Variants in ARMC9 observed in about 807,000 individuals in gnomAD.
The protein encoded by ARMC9 is lisH domain-containing protein ARMC9.
In ARMC9, 94 loss-of-function variants were observed where a neutral mutation model predicts 107.0. That is an observed-to-expected ratio of 0.88 (90% CI 0.74 to 1.04). The LOEUF is 1.04. Ranked by LOEUF, ARMC9 falls within the 50% of genes least tolerant of loss-of-function variation. ARMC9 has a pLI of 0.00. For synonymous variants in ARMC9, 380 were observed against 396.9 expected (o/e 0.96, Z 0.51); for missense variants, 942 against 1,030.1 (o/e 0.91, Z 1.17).
At chr2:231,248,636 G>A (rs1345477671) in intron 9 of ARMC9, among the ~76,000 whole-genome samples, 2 of 151,620 alleles carry the variant, frequency 1.3e-5, no homozygotes, top group Non-Finnish European at 2.9e-5. Context: ...GTGAAACCCC[G>A]TCTCTACTAA....
chr2:231,354,736 A>G (rs935078273), intron 21 of ARMC9, among the ~76,000 whole-genome samples: 1 of 152,204 alleles, frequency 6.6e-6, no homozygotes, highest in Admixed American at 6.5e-5. Context: ...AGCCCTAGGC[A>G]GGCATGAGCT....
intron 19 of ARMC9, among the ~76,000 whole-genome samples, chr2:231,330,663 G>A (rs756921739): frequency 1.3e-5 from 2 of 152,210 alleles, no homozygotes; most frequent in African/African-American, 2.4e-5. Flanking sequence ...GGCCCAGCCT[G>A]GTGAGGGTAC....
chr2:231,275,813 T>C (rs1394701000), intron 14 of ARMC9, among the ~76,000 whole-genome samples: 1 of 152,034 alleles, frequency 6.6e-6, no homozygotes, highest in African/African-American at 2.4e-5. Flanking sequence ...ATTAGCTGGG[T>C]GTGGTGGCGC....
At position 231,370,890 on chromosome 2, in the gene ARMC9, G is replaced by A. The variant is rs74746991; in HGVS notation, c.2435-623G>A. 2,080 of 335,108 alleles carry A rather than the reference G, an allele frequency of 6.2e-3. 42 individuals carry two copies. The highest frequency in any genetic ancestry group is 0.041 in the African/African-American group (1,916 of 46,174). The allele number at this position is 335,108 out of a possible 1,614,324, so 20.8% of individuals were successfully genotyped here. ...GAAAGGAGTCCCGCTTAGGATATGC[G>A]CATTTCTTTGGCCGCCCCCAGCCCG... On this transcript the variant is annotated intron_variant, in intron 24 of 24. Transcript: ENST00000611582.
chr2:231,215,063 C>A, intron 4 of ARMC9, 62 bp downstream of exon 4: 1 of 1,546,254 alleles, frequency 6.5e-7, no homozygotes, highest in South Asian at 1.2e-5. Context: ...TGTTTGCTGT[C>A]ATTGTCCACA....
chr2:231,301,563 T>C lies in ARMC9; in HGVS notation c.1773+5310T>C, dbSNP rs544148827. On this transcript the variant is annotated intron_variant, in intron 19 of 24. Transcript: ENST00000611582. ...GCTACATTGTACATTTCCAATTTCATATCCTTTCTGTTTTTTTCAGTTGTG... is the reference window on the plus strand; with the variant it reads ...GCTACATTGTACATTTCCAATTTCACATCCTTTCTGTTTTTTTCAGTTGTG... 6.0e-4 allele frequency among the ~76,000 whole-genome samples: 92 copies of C among 152,354 alleles called. 1 individual carries two copies. The highest frequency in any genetic ancestry group is 2.1e-3 in the African/African-American group (88 of 41,582).
rs138000417 is a variant in ARMC9, at chr2:231,343,649, T to C, written c.1879-1326T>C. Among the ~76,000 whole-genome samples, 1,112 of 152,318 alleles carry C rather than the reference T, an allele frequency of 7.3e-3. 8 individuals carry two copies. The highest frequency in any genetic ancestry group is 0.012 in the Admixed American group (176 of 15,292). ...AAACAGTTTTTCTTAAGTATTAACA[T>C]AATAGTAACCATATTACAAAAAATT... On this transcript the variant is annotated intron_variant, in intron 20 of 24. Coordinates refer to ENST00000611582, the MANE Select transcript of ARMC9 (RefSeq NM_001352754.2).
rs768217263 is a variant in ARMC9, at chr2:231,360,796, G to T, written c.2174G>T (p.Arg725Leu). Reference sequence around the variant, plus strand: ...CCAGGAGAGTGGCTCCCAAGAGGACGCCAGGAAGAGCCTCGCCCAGCCCCC... The same window carrying T: ...CCAGGAGAGTGGCTCCCAAGAGGACTCCAGGAAGAGCCTCGCCCAGCCCCC... ...AKPGEWLPRG[R>L]QEEPRPAPTG... Residue 725 changes from arginine (R) to leucine (L), a missense_variant, in exon 23 of 25, where the codon CGC (arginine) becomes CTC (leucine). By Grantham distance (102) the Arg-to-Leu change is moderately radical (BLOSUM62 -2). Coordinates refer to ENST00000611582, the MANE Select transcript of ARMC9 (RefSeq NM_001352754.2). This position sits in a 1 kb window ranked among gnomAD's most constrained non-coding sequence, Gnocchi z 4.7. The T allele has an allele frequency of 1.3e-6, 2 of 1,536,024 alleles. No homozygotes were observed. The highest frequency in any genetic ancestry group is 1.7e-6 in the Non-Finnish European group (2 of 1,146,924).
intron 20 of ARMC9, among the ~76,000 whole-genome samples, chr2:231,337,284 ATATATATTTTTTTTT>A (rs1399660242): frequency 3.6e-5 from 2 of 55,110 alleles, no homozygotes; most frequent in African/African-American, 1.9e-4. Context: ...ATATATATAT[ATATATATTTTTTTTT>A]TTTTTTTTTT....
intron 3 of ARMC9, among the ~76,000 whole-genome samples, chr2:231,209,742 G>A (rs2032558686): frequency 2.0e-5 from 3 of 152,056 alleles, no homozygotes; most frequent in African/African-American, 7.2e-5. Context: ...CACCAGGTTG[G>A]CCAGGCTGGT....
chr2:231,221,918 G>T (rs1009392249), intron 5 of ARMC9, among the ~76,000 whole-genome samples: 2 of 151,862 alleles, frequency 1.3e-5, no homozygotes, highest in Non-Finnish European at 2.9e-5. Context: ...TGATTGGGTG[G>T]GGGTGGGAGG....
chr2:231,309,848 C>T (rs2042238431), intron 19 of ARMC9, among the ~76,000 whole-genome samples: 1 of 152,086 alleles, frequency 6.6e-6, no homozygotes, highest in Non-Finnish European at 1.5e-5. Context: ...TTATACTATC[C>T]TGACCAAGGT....
chr2:231,322,226 A>G (rs1365317333), intron 19 of ARMC9, among the ~76,000 whole-genome samples: 1 of 152,222 alleles, frequency 6.6e-6, no homozygotes, highest in Non-Finnish European at 1.5e-5. Context: ...CGTGCTCAGG[A>G]GGAAAGCTGC....
At chr2:231,288,664 C>A (rs1338092598) in intron 17 of ARMC9, 1 of 471,150 alleles carries the variant, frequency 2.1e-6, no homozygotes, top group Admixed American at 2.3e-5. Flanking sequence ...TCAAAGGTCC[C>A]CTGAAGGAGT....
rs977478227 is a variant in ARMC9 at position 231,346,318 on chromosome 2, G to A, written c.1994+1228G>A. On this transcript the variant is annotated intron_variant, in intron 21 of 24. Coordinates refer to ENST00000611582, the MANE Select transcript of ARMC9 (RefSeq NM_001352754.2). ...AGGCAAATCACAAAGTCAGGAGATC[G>A]AGACCATCCTGGCTAACGTGGTGAA... is the stretch of plus-strand genomic sequence containing the variant. Among the ~76,000 whole-genome samples, 30 of 151,806 alleles carry A rather than the reference G, an allele frequency of 2.0e-4. 1 individual carries two copies. Among genetic ancestry groups the A allele is most frequent in the Non-Finnish European group, 4.4e-4 (30 of 67,956 alleles).
At chr2:231,209,108 G>A (rs913421425) in intron 3 of ARMC9, among the ~76,000 whole-genome samples, 2 of 152,024 alleles carry the variant, frequency 1.3e-5, no homozygotes, top group African/African-American at 4.8e-5. Flanking sequence ...CACTACATTG[G>A]CCAGGCTAGT....
At chr2:231,325,960 G>T (rs1334456420) in intron 19 of ARMC9, among the ~76,000 whole-genome samples, 1 of 152,168 alleles carries the variant, frequency 6.6e-6, no homozygotes, top group Non-Finnish European at 1.5e-5. Flanking sequence ...CCTGGGTGGG[G>T]CAAGAGTGGA....
Position 231,206,292 on chromosome 2 carries a change from A to T in ARMC9, c.51+3A>T. The T allele has an allele frequency of 6.2e-7, 1 of 1,612,518 alleles. No homozygotes were observed. Among genetic ancestry groups the T allele is most frequent in the Non-Finnish European group, 8.5e-7 (1 of 1,178,540 alleles). On this transcript the variant is annotated splice_donor_region_variant and intron_variant, in intron 2 of 24. Coordinates refer to ENST00000611582, the MANE Select transcript of ARMC9 (RefSeq NM_001352754.2). ...AATTACTTGGACTAGTGAAAGAGGTAGGTATATTATACAAAGCAGAGGTCA... is the reference window on the plus strand; with the variant it reads ...AATTACTTGGACTAGTGAAAGAGGTTGGTATATTATACAAAGCAGAGGTCA...
intron 9 of ARMC9, among the ~76,000 whole-genome samples, chr2:231,246,752 C>A (rs746656687): frequency 1.3e-5 from 2 of 152,126 alleles, no homozygotes; most frequent in African/African-American, 2.4e-5. Context: ...GTTTGAAGTT[C>A]TTGAGAAACC....
Sources: gnomAD v4.1 joint callset for allele counts (sites outside exome capture counted in the v4.1 genomes callset) on GRCh38, gnomAD v4.1.1 for gene constraint, Gnocchi (gnomAD v3.1) non-coding constraint, MANE v1.5 for transcripts, NCBI Gene and HGNC (gene_info 2026-07-23, HGNC 2026-07-21) for gene names.